The following PCDHA2 variants were observed in gnomAD, a reference collection of about 807,000 sequenced individuals.
PCDHA2 encodes protocadherin alpha 2, also known as protocadherin alpha-2.
PCDHA2 carries 58 observed loss-of-function variants against 66.0 expected under a neutral mutation model. The ratio of observed to expected loss-of-function variants is 0.88; its 90% confidence interval spans 0.71 to 1.09. PCDHA2 has a LOEUF of 1.09. Ranked by LOEUF, PCDHA2 falls within the 50% of genes least tolerant of loss-of-function variation. The pLI is 0.00. For synonymous variants in PCDHA2, 634 were observed against 554.0 expected (o/e 1.14, Z -2.03); for missense variants, 1,267 against 1,242.3 (o/e 1.02, Z -0.30).
chr5:140,877,743 G>C, intron 1 of PCDHA2: 1 of 1,614,148 alleles, frequency 6.2e-7, no homozygotes, highest in Non-Finnish European at 8.5e-7. Flanking sequence ...GGAGGCAGAG[G>C]GTGTGCTCTG....
At chr5:140,927,729 G>C (rs2084563367) in intron 1 of PCDHA2, 1 of 1,614,098 alleles carries the variant, frequency 6.2e-7, no homozygotes, top group South Asian at 1.1e-5. Context: ...CGCAAGCAGA[G>C]CTGCGACACC....
chr5:140,838,651 G>A (rs1775818382), intron 1 of PCDHA2, among the ~76,000 whole-genome samples: 1 of 151,988 alleles, frequency 6.6e-6, no homozygotes, highest in Non-Finnish European at 1.5e-5. Context: ...AAAAATGATA[G>A]TTAACGGGGC....
At chr5:140,821,850 A>G in intron 1 of PCDHA2, 5 of 1,614,180 alleles carry the variant, frequency 3.1e-6, no homozygotes, top group South Asian at 1.1e-5. Flanking sequence ...ACTGGAAGGC[A>G]GGGAGCGGCC....
chr5:140,974,467 A>C (rs2096628825), intron 1 of PCDHA2, among the ~76,000 whole-genome samples: 1 of 152,228 alleles, frequency 6.6e-6, no homozygotes, highest in Non-Finnish European at 1.5e-5. Context: ...TTCAGAGGAA[A>C]GTATTCCACC....
intron 1 of PCDHA2, among the ~76,000 whole-genome samples, chr5:140,826,922 A>T (rs910520079): frequency 6.6e-6 from 1 of 152,170 alleles, no homozygotes; most frequent in Non-Finnish European, 1.5e-5. Flanking sequence ...TGAAAGACAG[A>T]TGGACTTAGG....
chr5:140,815,976 A>G (rs1175653553), intron 1 of PCDHA2: 2 of 152,168 alleles, frequency 1.3e-5, no homozygotes, highest in Non-Finnish European at 2.9e-5. Context: ...TTTGTACGTG[A>G]TGAGGCATTT....
At position 141,003,456 on chromosome 5, in the gene PCDHA2, C is replaced by T. The variant is rs187279966; in HGVS notation, c.2537-6171C>T. Among the ~76,000 whole-genome samples the T allele has an allele frequency of 1.2e-3, 188 of 152,136 alleles. 1 individual carries two copies. The highest frequency in any genetic ancestry group is 4.1e-3 in the African/African-American group (172 of 41,508). On this transcript the variant is annotated intron_variant, in intron 3 of 3. Transcript: ENST00000526136. ...CCTCCCAAGTAGATGAAATTACAGGCGTGCACCACCACAGTCTCGCTAATT... is the reference window on the plus strand; with the variant it reads ...CCTCCCAAGTAGATGAAATTACAGGTGTGCACCACCACAGTCTCGCTAATT...
intron 3 of PCDHA2, among the ~76,000 whole-genome samples, chr5:141,009,356 G>T (rs535761188): frequency 7.9e-5 from 12 of 152,204 alleles, no homozygotes; most frequent in Non-Finnish European, 1.6e-4. Context: ...CTACTTGGGA[G>T]GCTAAGATGG....
intron 1 of PCDHA2, among the ~76,000 whole-genome samples, chr5:140,921,231 T>C (rs1171159325): frequency 3.3e-5 from 5 of 152,122 alleles, no homozygotes; most frequent in African/African-American, 4.8e-5. Context: ...TGCTAGATGA[T>C]ATTAAGCCAC....
intron 1 of PCDHA2, chr5:140,806,969 A>G (rs1337219692): frequency 3.4e-5 from 21 of 608,738 alleles, no homozygotes; most frequent in African/African-American, 5.5e-5. Flanking sequence ...CACAATTGCT[A>G]CTTACGGTTT....
intron 1 of PCDHA2, among the ~76,000 whole-genome samples, chr5:140,955,368 G>C (rs1554221882): frequency 6.6e-6 from 1 of 152,122 alleles, no homozygotes; most frequent in Admixed American, 6.5e-5. Flanking sequence ...CCCAGTGGGA[G>C]GTAATTGAAT....
At chr5:140,967,783 C>T (rs1554229939) in intron 1 of PCDHA2, 1 of 1,614,186 alleles carries the variant, frequency 6.2e-7, no homozygotes, top group Admixed American at 1.7e-5. Flanking sequence ...AGGCGACTGA[C>T]CGGGGTCCAG....
At chr5:140,802,620 T>A in intron 1 of PCDHA2, 3 of 1,613,936 alleles carry the variant, frequency 1.9e-6, no homozygotes, top group Non-Finnish European at 2.5e-6. Flanking sequence ...CTGCCACATC[T>A]TCACGGTGTC....
intron 1 of PCDHA2, chr5:140,870,562 G>A: frequency 6.2e-7 from 1 of 1,613,996 alleles, no homozygotes; most frequent in Non-Finnish European, 8.5e-7. Context: ...GCAGGAGAAC[G>A]CGCTGGTGTC....
At chr5:140,911,591 A>G (rs2075552073) in intron 1 of PCDHA2, among the ~76,000 whole-genome samples, 2 of 152,222 alleles carry the variant, frequency 1.3e-5, no homozygotes, top group Non-Finnish European at 1.5e-5. Context: ...AGGAGGAACC[A>G]ACCAACTTCA....
chr5:140,953,045 C>A (rs1414124229), intron 1 of PCDHA2, among the ~76,000 whole-genome samples: 2 of 152,288 alleles, frequency 1.3e-5, no homozygotes, highest in Admixed American at 6.5e-5. Flanking sequence ...CCCCATGATC[C>A]AATCACCTCT....
At chr5:140,927,186 C>T in intron 1 of PCDHA2, 1 of 1,614,174 alleles carries the variant, frequency 6.2e-7, no homozygotes, top group East Asian at 2.2e-5. Context: ...TGACCTACGA[C>T]CTGGTGCTCG....
At position 141,010,210 on chromosome 5, in the gene PCDHA2, G is replaced by A. The variant is rs2098416466; in HGVS notation, c.*273G>A. ...AGTTTCCTTTCTCCTCCGCCGCAAA[G>A]GAGAGGCTTCCCAGCCCCGCCAGTG... On this transcript the variant is annotated 3_prime_UTR_variant, in exon 4 of 4. Transcript: ENST00000526136. 4 of 1,551,736 alleles carry A rather than the reference G, an allele frequency of 2.6e-6. No homozygotes were observed. Among genetic ancestry groups the A allele is most frequent in the African/African-American group, 1.4e-5 (1 of 73,050 alleles).
intron 1 of PCDHA2, among the ~76,000 whole-genome samples, chr5:140,820,340 A>G (rs2150106662): frequency 6.0e-4 from 91 of 152,142 alleles, no homozygotes; most frequent in African/African-American, 2.1e-3. Flanking sequence ...AATTCCAGAA[A>G]TCAAGTGAAT....
Sources: gnomAD v4.1 joint callset for allele counts (sites outside exome capture counted in the v4.1 genomes callset) on GRCh38, gnomAD v4.1.1 for gene constraint, MANE v1.5 for transcripts, NCBI Gene and HGNC (gene_info 2026-07-23, HGNC 2026-07-21) for gene names.